The following BBX variants were observed in gnomAD, a reference collection of about 807,000 sequenced individuals.
BBX encodes the protein HMG box transcription factor BBX.
BBX carries 30 observed loss-of-function variants against 100.2 expected under a neutral mutation model. The observed-to-expected ratio is 0.30, with a 90% CI of 0.22 to 0.41. BBX has a LOEUF of 0.41. BBX is among the 10% of genes least tolerant of loss of function. The probability of loss-of-function intolerance (pLI) is 1.00; values close to 1 mark genes in which losing one functional copy is unlikely to be tolerated. For missense variants in BBX, 1,023 were observed against 1,129.8 expected (o/e 0.91, Z 1.35); for synonymous variants, 376 against 388.1 (o/e 0.97, Z 0.37).
intron 2 of BBX, among the ~76,000 whole-genome samples, chr3:107,588,890 T>C (rs969026814): frequency 1.3e-5 from 2 of 152,228 alleles, no homozygotes; most frequent in African/African-American, 4.8e-5. Context: ...TTATTTTAAT[T>C]TTAAAATTAC....
At chr3:107,725,752 C>G (rs989009636) in intron 5 of BBX, among the ~76,000 whole-genome samples, 4 of 151,910 alleles carry the variant, frequency 2.6e-5, no homozygotes, top group African/African-American at 9.7e-5. Flanking sequence ...CCAGCATTTA[C>G]CAAGCACCAC....
chr3:107,716,263 T>C (rs1313139980), intron 4 of BBX, among the ~76,000 whole-genome samples: 1 of 152,172 alleles, frequency 6.6e-6, no homozygotes, highest in Non-Finnish European at 1.5e-5. Context: ...ATATCAGACA[T>C]TGAGCTAGGC....
intron 2 of BBX, among the ~76,000 whole-genome samples, chr3:107,570,192 G>A (rs1422421348): frequency 6.6e-6 from 1 of 152,162 alleles, no homozygotes; most frequent in Non-Finnish European, 1.5e-5. Flanking sequence ...TGTGGCTGAG[G>A]TTTCTCTCAC....
chr3:107,609,751 T>C (rs1165142366), intron 2 of BBX, among the ~76,000 whole-genome samples: 1 of 152,134 alleles, frequency 6.6e-6, no homozygotes, highest in African/African-American at 2.4e-5. Context: ...TTATTTTATT[T>C]ATTTGATTAT....
chr3:107,630,613 G>A (rs532426023), intron 2 of BBX, among the ~76,000 whole-genome samples: 2 of 152,274 alleles, frequency 1.3e-5, no homozygotes, highest in African/African-American at 4.8e-5. Flanking sequence ...CAGAAAATAG[G>A]ATGTGATCTG....
chr3:107,560,583 T>C (rs1303759598), intron 2 of BBX, among the ~76,000 whole-genome samples: 1 of 152,228 alleles, frequency 6.6e-6, no homozygotes, highest in Non-Finnish European at 1.5e-5. Flanking sequence ...TATTAGTTGT[T>C]GTAGCATTCT....
At chr3:107,749,317 T>C (rs1227750918) in intron 9 of BBX, among the ~76,000 whole-genome samples, 1 of 152,248 alleles carries the variant, frequency 6.6e-6, no homozygotes, top group Non-Finnish European at 1.5e-5. Context: ...TGCCCATTGA[T>C]TCTTCAGAGT....
intron 3 of BBX, among the ~76,000 whole-genome samples, chr3:107,692,092 A>G (rs888256963): frequency 7.2e-5 from 11 of 152,044 alleles, no homozygotes; most frequent in Non-Finnish European, 4.4e-5. Flanking sequence ...ATTCTTAACT[A>G]AATCATTGTT....
chr3:107,697,234 C>A (rs1483510348), intron 3 of BBX, among the ~76,000 whole-genome samples: 1 of 151,898 alleles, frequency 6.6e-6, no homozygotes, highest in African/African-American at 2.4e-5. Flanking sequence ...TGTTCTGTTG[C>A]TGGTGAGGAA....
At chr3:107,733,507 C>G (rs576876098) in intron 7 of BBX, among the ~76,000 whole-genome samples, 177 of 152,202 alleles carry the variant, frequency 1.2e-3, no homozygotes, top group Non-Finnish European at 1.2e-3. Context: ...TCCCACCCCC[C>G]CTTGAGACAG....
At chr3:107,800,664 CCCAATGT>C (rs1485439421) in intron 16 of BBX, among the ~76,000 whole-genome samples, 2 of 152,174 alleles carry the variant, frequency 1.3e-5, no homozygotes, top group Non-Finnish European at 2.9e-5. Context: ...TCACAGCATA[CCCAATGT>C]CCAAGTTGCC....
intron 2 of BBX, among the ~76,000 whole-genome samples, chr3:107,606,132 A>G (rs2054419576): frequency 6.6e-6 from 1 of 152,246 alleles, no homozygotes; most frequent in Non-Finnish European, 1.5e-5. Flanking sequence ...GAGTTTCCAA[A>G]GAATGAATAG....
chr3:107,542,743 G>A (rs1009123090), intron 2 of BBX, among the ~76,000 whole-genome samples: 1 of 152,144 alleles, frequency 6.6e-6, no homozygotes, highest in Non-Finnish European at 1.5e-5. Context: ...AAATGGTGTT[G>A]CTGGCATTCC....
At chr3:107,524,065 G>A in intron 1 of BBX, 1 of 153,102 alleles carries the variant, frequency 6.5e-6, no homozygotes, top group Non-Finnish European at 1.5e-5. Flanking sequence ...GAGGAGGGAG[G>A]CTGTGTCAGG....
intron 2 of BBX, among the ~76,000 whole-genome samples, chr3:107,606,686 A>G (rs2054470939): frequency 1.3e-5 from 2 of 152,128 alleles, no homozygotes; most frequent in Admixed American, 1.3e-4. Context: ...GTAGATATAT[A>G]TATTTATGGA....
chr3:107,715,183 T>C (rs1362152370), intron 4 of BBX, among the ~76,000 whole-genome samples: 1 of 152,186 alleles, frequency 6.6e-6, no homozygotes, highest in Non-Finnish European at 1.5e-5. Context: ...AGAACATGGT[T>C]GCCTTAAAGT....
intron 2 of BBX, among the ~76,000 whole-genome samples, chr3:107,564,339 T>A (rs2050719569): frequency 6.6e-6 from 1 of 152,248 alleles, no homozygotes; most frequent in Non-Finnish European, 1.5e-5. Context: ...AAATATTTTT[T>A]ACAGTTTATT....
In BBX at chr3:107,798,477, G is replaced by A. The variant is rs745971516; in HGVS notation, c.2354-46G>A. 14 of 1,569,960 alleles carry A rather than the reference G, an allele frequency of 8.9e-6. No homozygotes were observed. The African/African-American group carries it at 9.5e-5, about 11-fold the overall frequency. ...GTTTCCTTCTAAGAGCAATTTTGGTGCCTTCTGTTTTTGTGCATAACTATG... is the reference window on the plus strand; with the variant it reads ...GTTTCCTTCTAAGAGCAATTTTGGTACCTTCTGTTTTTGTGCATAACTATG... On this transcript the variant is annotated intron_variant, in intron 15 of 17. Transcript: ENST00000325805.
intron 2 of BBX, among the ~76,000 whole-genome samples, chr3:107,585,211 A>G (rs1163952705): frequency 1.3e-5 from 2 of 152,098 alleles, no homozygotes; most frequent in Non-Finnish European, 2.9e-5. Context: ...CATTGCGATG[A>G]TGTGGAGAGG....
Sources: allele counts gnomAD v4.1 joint callset (sites outside exome capture counted in the v4.1 genomes callset), GRCh38; gene constraint gnomAD v4.1.1; transcripts MANE v1.5; gene names NCBI Gene and HGNC (gene_info 2026-07-23, HGNC 2026-07-21).